Variants in OPA1 observed in about 807,000 individuals in gnomAD.
OPA1 encodes the protein dynamin-like GTPase OPA1, mitochondrial.
In OPA1, 59 loss-of-function variants were observed where a neutral mutation model predicts 152.9. That is an observed-to-expected ratio of 0.39 (90% CI 0.31 to 0.48). The LOEUF (loss-of-function observed/expected upper bound fraction) is 0.48. OPA1 is among the 20% of genes least tolerant of loss of function. The probability of loss-of-function intolerance (pLI) is 0.96; values close to 1 mark genes in which losing one functional copy is unlikely to be tolerated. For missense variants in OPA1, 1,008 were observed against 1,216.8 expected (o/e 0.83, Z 2.55); for synonymous variants, 400 against 389.9 (o/e 1.03, Z -0.31).
intron 29 of OPA1, among the ~76,000 whole-genome samples, chr3:193,683,995 TAC>T (rs1436745840): frequency 1.3e-5 from 2 of 152,110 alleles, no homozygotes; most frequent in Admixed American, 6.5e-5. Context: ...GGCTGGCAGT[TAC>T]AAAATGGAAA....
chr3:193,648,623 G>A (rs575128362), intron 20 of OPA1, 172 bp from the exon 21 acceptor site: 29 of 567,248 alleles, frequency 5.1e-5, no homozygotes, highest in Non-Finnish European at 9.4e-5. Context: ...GTCCTTATCT[G>A]CATAATGGCA....
At chr3:193,635,375 C>T in intron 8 of OPA1, 43 bp from the exon 9 acceptor site, 2 of 1,152,788 alleles carry the variant, frequency 1.7e-6, no homozygotes, top group East Asian at 4.7e-5. Flanking sequence ...TATTTGATAA[C>T]CCATCTTTTG....
intron 1 of OPA1, among the ~76,000 whole-genome samples, chr3:193,599,689 A>G (rs968909611): frequency 5.3e-5 from 8 of 152,098 alleles, no homozygotes; most frequent in African/African-American, 1.9e-4. Flanking sequence ...TCTCTTTTCC[A>G]CCATTTGCTA....
rs758993120 is a variant in OPA1 at position 193,622,226 on chromosome 3, C to CTTTTTTTTTTT, written c.678+3301_678+3311dup. ...TTTCTTGCAACATATTACTCTCATT[C>CTTTTTTTTTTT]TTTTTTTTTTTTTTTTTTTTTGAGA... On this transcript the variant is annotated intron_variant, in intron 6 of 30. Coordinates refer to ENST00000361510, the MANE Select transcript of OPA1 (RefSeq NM_130837.3). 1.7e-4 allele frequency among the ~76,000 whole-genome samples: 18 copies of CTTTTTTTTTTT among 107,916 alleles called. 1 individual carries two copies. The highest frequency in any genetic ancestry group is 1.9e-4 in the African/African-American group (5 of 26,004). The allele number at this position is 107,916 out of a possible 152,430, so 70.8% of individuals were successfully genotyped here. A position where few individuals can be genotyped will look rare whatever the true frequency, so the allele number is the denominator to read the frequency against.
intron 1 of OPA1, among the ~76,000 whole-genome samples, chr3:193,597,983 G>T (rs2108781160): frequency 6.6e-6 from 1 of 152,228 alleles, no homozygotes; most frequent in South Asian, 2.1e-4. Flanking sequence ...TGAAGCTGAG[G>T]CAGGAGGATC....
chr3:193,610,757 C>T (rs1017141457), intron 1 of OPA1, among the ~76,000 whole-genome samples: 3 of 152,238 alleles, frequency 2.0e-5, no homozygotes, highest in Non-Finnish European at 2.9e-5. Flanking sequence ...CCCCCAGCCT[C>T]GCTGCCACCT....
At chr3:193,648,226 A>G (rs966126642) in intron 20 of OPA1, 92 bp downstream of exon 20, 11 of 979,742 alleles carry the variant, frequency 1.1e-5, no homozygotes, top group South Asian at 6.7e-5. Flanking sequence ...CTGATAAGCT[A>G]AAGTACTTTG....
Position 193,593,369 on chromosome 3 carries a change from G to C in OPA1, c.-9G>C, listed in dbSNP as rs760513482. ...GTCTCGGCGCCTGCGTGACCTCCCC[G>C]CCGGCGGGATGTGGCGACTACGTCG... On this transcript the variant is annotated 5_prime_UTR_variant, in exon 1 of 31. Transcript: ENST00000361510. 1 of 1,545,902 alleles carries C rather than the reference G, an allele frequency of 6.5e-7. No homozygotes were observed. Among genetic ancestry groups the C allele is most frequent in the Admixed American group, 2.0e-5 (1 of 50,608 alleles).
At chr3:193,620,073 GA>G (rs536330449) in intron 6 of OPA1, among the ~76,000 whole-genome samples, 20 of 151,004 alleles carry the variant, frequency 1.3e-4, no homozygotes, top group South Asian at 6.3e-4. Context: ...GCTACTGGGG[GA>G]AAAAAAAATA....
Position 193,674,777 on chromosome 3 carries a change from G to A in OPA1, c.2983+7497G>A, listed in dbSNP as rs571183182. On this transcript the variant is annotated intron_variant, in intron 29 of 30. Transcript: ENST00000361510. ...TGCCATACCCTTGAGTGTTGTTACG[G>A]ATGAGAATATCGTCTGTGAAGTAGT... 3.6e-4 allele frequency among the ~76,000 whole-genome samples: 55 copies of A among 152,288 alleles called. No homozygotes were observed. The South Asian group carries it at 0.011, about 32-fold the overall frequency.
At chr3:193,687,541 A>T (rs1721083210) in intron 29 of OPA1, among the ~76,000 whole-genome samples, 1 of 152,222 alleles carries the variant, frequency 6.6e-6, no homozygotes, top group Admixed American at 6.5e-5. Flanking sequence ...ATGCTGATCC[A>T]TACACGTATT....
At chr3:193,601,971 G>C (rs1212739606) in intron 1 of OPA1, among the ~76,000 whole-genome samples, 1 of 152,152 alleles carries the variant, frequency 6.6e-6, no homozygotes, top group Non-Finnish European at 1.5e-5. Flanking sequence ...TTTTGTGCTA[G>C]AGCATAAGCT....
chr3:193,657,434 G>A (rs139117491), intron 23 of OPA1, among the ~76,000 whole-genome samples: 9 of 152,064 alleles, frequency 5.9e-5, no homozygotes, highest in Admixed American at 2.6e-4. Context: ...TTCTTTCTTG[G>A]CTATCATTTC....
intron 8 of OPA1, among the ~76,000 whole-genome samples, chr3:193,631,929 A>C (rs1025266136): frequency 6.6e-6 from 1 of 152,212 alleles, no homozygotes; most frequent in Non-Finnish European, 1.5e-5. Context: ...GCTTGTCCTT[A>C]TATAAACTTA....
At chr3:193,614,622 C>T (rs1323073171) in intron 1 of OPA1, 101 bp from the exon 2 acceptor site, 7 of 833,242 alleles carry the variant, frequency 8.4e-6, no homozygotes, top group African/African-American at 3.7e-5. Flanking sequence ...TGGTTAGTCA[C>T]GTATGGGGCT....
Position 193,696,496 on chromosome 3 carries a change from G to A in OPA1, c.*1896G>A, listed in dbSNP as rs985428609. 1 of 152,106 alleles carries A rather than the reference G, an allele frequency of 6.6e-6. No homozygotes were observed. Among genetic ancestry groups the A allele is most frequent in the Non-Finnish European group, 1.5e-5 (1 of 68,034 alleles). 9.4% of individuals were successfully genotyped at this position (152,106 alleles called of 1,614,324 possible). On this transcript the variant is annotated 3_prime_UTR_variant, in exon 31 of 31. Transcript: ENST00000361510. ...CCCTCTCCATGCCCCACAGTAATGT[G>A]GCTTCTTTCATGGGTTTTTTTTTCT...
chr3:193,626,933 A>G (rs1049110621), intron 7 of OPA1, among the ~76,000 whole-genome samples: 18 of 152,212 alleles, frequency 1.2e-4, no homozygotes, highest in Non-Finnish European at 2.9e-5. Flanking sequence ...GTAATCCCAC[A>G]ACGGAGATCC....
intron 8 of OPA1, among the ~76,000 whole-genome samples, chr3:193,632,839 T>C (rs1732307402): frequency 6.6e-6 from 1 of 152,130 alleles, no homozygotes; most frequent in African/African-American, 2.4e-5. Flanking sequence ...CCCTGGCCAA[T>C]AGAGCAAGAC....
rs543089728 is a variant in OPA1 at position 193,646,751 on chromosome 3, C to T, written c.1755-314C>T. 3.1e-4 allele frequency among the ~76,000 whole-genome samples: 47 copies of T among 152,092 alleles called. 1 individual carries two copies. In the East Asian group the frequency reaches 4.1e-3, roughly 13 times the overall value. ...TCACGCCACTGCACTCCAGCCCGGA[C>T]GACAGTGCAAGATTCCAATTCAAAA... On this transcript the variant is annotated intron_variant, in intron 18 of 30. Transcript: ENST00000361510.
Sources: allele counts gnomAD v4.1 joint callset (sites outside exome capture counted in the v4.1 genomes callset), GRCh38; gene constraint gnomAD v4.1.1; transcripts MANE v1.5; gene names NCBI Gene and HGNC (gene_info 2026-07-23, HGNC 2026-07-21).